Variants in RUVBL1 observed in about 807,000 individuals in gnomAD.
RUVBL1 encodes the protein ruvB-like 1.
In RUVBL1, 4 loss-of-function variants were observed where a neutral mutation model predicts 52.4. The ratio of observed to expected loss-of-function variants is 0.08; its 90% confidence interval spans 0.04 to 0.17. The LOEUF (loss-of-function observed/expected upper bound fraction) is 0.17, where lower values mean the gene tolerates loss of function less well. Among genes scored for constraint, RUVBL1 ranks in the 10% least tolerant of loss-of-function variants. The probability of loss-of-function intolerance (pLI) is 1.00; values close to 1 mark genes in which losing one functional copy is unlikely to be tolerated. For missense variants in RUVBL1, 298 were observed against 572.8 expected (o/e 0.52, Z 4.90); for synonymous variants, 217 against 214.4 (o/e 1.01, Z -0.10).
At chr3:128,106,464 C>G (rs936432445) in intron 3 of RUVBL1, among the ~76,000 whole-genome samples, 8 of 151,892 alleles carry the variant, frequency 5.3e-5, no homozygotes, top group African/African-American at 1.2e-4. Flanking sequence ...CGTATCCCCC[C>G]CCCCTTCACA....
intron 1 of RUVBL1, among the ~76,000 whole-genome samples, chr3:128,148,326 C>A (rs1944134407): frequency 6.6e-6 from 1 of 151,962 alleles, no homozygotes; most frequent in Admixed American, 6.6e-5. Context: ...AGGGTAAAAC[C>A]AACAGAATTT....
chr3:128,133,260 C>G (rs556676144), intron 1 of RUVBL1, among the ~76,000 whole-genome samples: 2 of 152,254 alleles, frequency 1.3e-5, no homozygotes, highest in East Asian at 3.9e-4. Context: ...AGGTTTCTGA[C>G]TCCAGGCCCC....
chr3:128,081,118 C>T lies in RUVBL1; in HGVS notation c.*132G>A. ...ATAACTTAAAAAGAAATGCTTTCCA[C>T]ACTGAACTGACAGCGCTGCAGACCA... On this transcript the variant is annotated 3_prime_UTR_variant, in exon 11 of 11. Coordinates refer to ENST00000322623, the MANE Select transcript of RUVBL1 (RefSeq NM_003707.3). The surrounding 1 kb of genome is among the most constrained non-coding windows in gnomAD (Gnocchi z 4.8). The T allele has an allele frequency of 1.2e-6, 1 of 813,436 alleles. No homozygotes were observed. Among genetic ancestry groups the T allele is most frequent in the East Asian group, 2.5e-5 (1 of 39,542 alleles). 50.4% of individuals were successfully genotyped at this position (813,436 alleles called of 1,614,324 possible). A position where few individuals can be genotyped will look rare whatever the true frequency, so the allele number is the denominator to read the frequency against.
intron 8 of RUVBL1, among the ~76,000 whole-genome samples, chr3:128,091,795 A>G (rs752125993): frequency 5.5e-4 from 84 of 152,354 alleles, no homozygotes; most frequent in South Asian, 2.1e-4. Context: ...AGATGCCAGC[A>G]GCACTTCTGA....
At position 128,118,290 on chromosome 3, in the gene RUVBL1, C is replaced by G. The variant is rs910681103; in HGVS notation, c.228+1038G>C. On this transcript the variant is annotated intron_variant, in intron 2 of 10. Coordinates refer to ENST00000322623, the MANE Select transcript of RUVBL1 (RefSeq NM_003707.3). ...TTATATAGGAAGAGAAAAAACTGTT[C>G]ACAAATATAGCACTTCTTCCTCTTG... 5.3e-5 allele frequency among the ~76,000 whole-genome samples: 8 copies of G among 152,146 alleles called. No individual in the cohort carries two copies. The South Asian group carries it at 1.0e-3, about 20-fold the overall frequency.
At chr3:128,092,892 A>G (rs116555737) in intron 8 of RUVBL1, among the ~76,000 whole-genome samples, 220 of 152,332 alleles carry the variant, frequency 1.4e-3, no homozygotes, top group African/African-American at 4.7e-3. Context: ...AATGTTGTAC[A>G]TAGGCCAGGT....
chr3:128,113,650 T>G (rs1943448897), intron 2 of RUVBL1, among the ~76,000 whole-genome samples: 1 of 152,246 alleles, frequency 6.6e-6, no homozygotes, highest in Non-Finnish European at 1.5e-5. Flanking sequence ...TTTTTGTTAT[T>G]GTATTTTTAT....
chr3:128,105,244 C>T (rs1361209882), intron 3 of RUVBL1, among the ~76,000 whole-genome samples: 1 of 151,860 alleles, frequency 6.6e-6, no homozygotes, highest in African/African-American at 2.4e-5. Flanking sequence ...TCCAGCCTCC[C>T]GAGTAGCTGG....
chr3:128,097,819 C>T (rs529117787), intron 7 of RUVBL1, among the ~76,000 whole-genome samples: 1 of 152,318 alleles, frequency 6.6e-6, no homozygotes, highest in Admixed American at 6.5e-5. Flanking sequence ...CCCTACCATG[C>T]CTTATCACTT....
At chr3:128,144,129 C>A (rs1944069849) in intron 1 of RUVBL1, among the ~76,000 whole-genome samples, 1 of 152,148 alleles carries the variant, frequency 6.6e-6, no homozygotes, top group Admixed American at 6.5e-5. Flanking sequence ...TGGGTGGCAG[C>A]CTCCTTAGAG....
At position 128,081,658 on chromosome 3, in the gene RUVBL1, T is replaced by G. The variant is rs1942480127; in HGVS notation, c.1212-249A>C. On this transcript the variant is annotated intron_variant, in intron 10 of 10. Coordinates refer to ENST00000322623, the MANE Select transcript of RUVBL1 (RefSeq NM_003707.3). The surrounding 1 kb of genome is among the most constrained non-coding windows in gnomAD (Gnocchi z 4.8). ...GCTATTCCCCAAATCTTTAGTACAG[T>G]CTACAAATCCTCCAGTAGGAAGTAA... The G allele has an allele frequency of 1.3e-5, 6 of 460,400 alleles. No homozygotes were observed. The highest frequency in any genetic ancestry group is 2.3e-5 in the Non-Finnish European group (6 of 258,822). The allele number at this position is 460,400 out of a possible 1,614,324, so 28.5% of individuals were successfully genotyped here.
intron 1 of RUVBL1, among the ~76,000 whole-genome samples, chr3:128,130,389 T>A (rs1021562819): frequency 4.0e-5 from 6 of 151,848 alleles, no homozygotes; most frequent in Non-Finnish European, 7.4e-5. Flanking sequence ...GGAGACTGAG[T>A]CAGTAACCAA....
chr3:128,120,866 T>A lies in RUVBL1; in HGVS notation c.142-1452A>T, dbSNP rs527418812. Among the ~76,000 whole-genome samples, 29 of 151,882 alleles carry A rather than the reference T, an allele frequency of 1.9e-4. No homozygotes were observed. The South Asian group carries it at 5.4e-3, about 28-fold the overall frequency. ...CAATCTCCCGACCATGTAATCCACCTGCTACTCGGGAGGCTGAGGCAGAAG... is the reference window on the plus strand; with the variant it reads ...CAATCTCCCGACCATGTAATCCACCAGCTACTCGGGAGGCTGAGGCAGAAG... On this transcript the variant is annotated intron_variant, in intron 1 of 10. Coordinates refer to ENST00000322623, the MANE Select transcript of RUVBL1 (RefSeq NM_003707.3).
chr3:128,109,809 A>ATTTTTTTTTTTTTTT (rs60187195), intron 3 of RUVBL1, among the ~76,000 whole-genome samples: 1 of 80,488 alleles, frequency 1.2e-5, no homozygotes, highest in Non-Finnish European at 2.2e-5. Flanking sequence ...CTCTCTGTAA[A>ATTTTTTTTTTTTTTT]TTTTTTTTTT....
At chr3:128,151,514 AT>A (rs1377605315) in intron 1 of RUVBL1, among the ~76,000 whole-genome samples, 1 of 151,950 alleles carries the variant, frequency 6.6e-6, no homozygotes, top group Non-Finnish European at 1.5e-5. Flanking sequence ...CTTATTACCT[AT>A]TTACTAACCC....
At chr3:128,128,505 T>C (rs1190409246), upstream of RUVBL1, among the ~76,000 whole-genome samples, 3 of 152,134 alleles carry the variant, frequency 2.0e-5, no homozygotes, top group East Asian at 3.9e-4. Flanking sequence ...TGGTCCAAGA[T>C]AGCTGCTCAA....
rs570643070 is a variant in RUVBL1 at position 128,104,744 on chromosome 3, G to A, written c.513+29C>T. 8.9e-6 allele frequency: 14 copies of A among 1,580,776 alleles called. No homozygotes were observed. The African/African-American group carries it at 1.2e-4, about 14-fold the overall frequency. On this transcript the variant is annotated intron_variant, in intron 4 of 10. Coordinates refer to ENST00000322623, the MANE Select transcript of RUVBL1 (RefSeq NM_003707.3). ...AGCCACACAGTGCTGGGAGAGTCAA[G>A]GGAAAAGAGGCCACATACATGTACT...
intron 6 of RUVBL1, among the ~76,000 whole-genome samples, chr3:128,099,600 G>A (rs975451217): frequency 5.3e-5 from 8 of 152,144 alleles, no homozygotes; most frequent in African/African-American, 1.9e-4. Flanking sequence ...ATCCTCCTGC[G>A]GGCTCCTAAC....
At chr3:128,115,662 T>C (rs928389559) in intron 2 of RUVBL1, among the ~76,000 whole-genome samples, 3 of 152,216 alleles carry the variant, frequency 2.0e-5, no homozygotes, top group African/African-American at 7.2e-5. Flanking sequence ...GAAAGACATA[T>C]GCTTCTAGCA....
Sources: allele counts gnomAD v4.1 joint callset (sites outside exome capture counted in the v4.1 genomes callset), GRCh38; gene constraint gnomAD v4.1.1; non-coding constraint Gnocchi (gnomAD v3.1); transcripts MANE v1.5; gene names NCBI Gene and HGNC (gene_info 2026-07-23, HGNC 2026-07-21).